Variants in SND1 observed in about 807,000 individuals in gnomAD.
SND1 encodes the protein staphylococcal nuclease and tudor domain containing 1, also known as staphylococcal nuclease domain-containing protein 1.
A neutral mutation model predicts 121.7 loss-of-function variants in SND1; 38 were observed. That is an observed-to-expected ratio of 0.31 (90% CI 0.24 to 0.41). SND1 has a LOEUF of 0.41. Among genes scored for constraint, SND1 ranks in the 10% least tolerant of loss-of-function variants. SND1 has a pLI of 1.00. For synonymous variants in SND1, 401 were observed against 447.4 expected (o/e 0.90, Z 1.31); for missense variants, 868 against 1,184.6 (o/e 0.73, Z 3.92).
chr7:127,669,956 G>A (rs1207996188), intron 1 of SND1, among the ~76,000 whole-genome samples: 1 of 151,958 alleles, frequency 6.6e-6, no homozygotes, highest in Non-Finnish European at 1.5e-5. Flanking sequence ...TTAGACTGGA[G>A]GACTTAGGCA....
chr7:128,085,819 A>G lies in SND1; in HGVS notation c.2304+39A>G. 1 of 1,540,180 alleles carries G rather than the reference A, an allele frequency of 6.5e-7. No homozygotes were observed. Among genetic ancestry groups the G allele is most frequent in the Non-Finnish European group, 9.0e-7 (1 of 1,112,988 alleles). On this transcript the variant is annotated intron_variant, in intron 20 of 23. Coordinates refer to ENST00000354725, the MANE Select transcript of SND1 (RefSeq NM_014390.4). This position sits in a 1 kb window ranked among gnomAD's most constrained non-coding sequence, Gnocchi z 4.4. ...ACCAGAGTGTTGGAGGGGCTATCAA[A>G]CACAGCAGCCCCCGAGTCAAATCCA...
At chr7:127,853,183 A>C (rs1177184128) in intron 12 of SND1, among the ~76,000 whole-genome samples, 1 of 151,938 alleles carries the variant, frequency 6.6e-6, no homozygotes, top group Non-Finnish European at 1.5e-5. Context: ...AGAGAGCTTT[A>C]ATGTATTTTC....
chr7:127,683,539 C>A (rs1030300311), intron 1 of SND1, among the ~76,000 whole-genome samples: 11 of 152,162 alleles, frequency 7.2e-5, no homozygotes, highest in Non-Finnish European at 1.3e-4. Context: ...TGAATGATTT[C>A]AGTTTCTGTG....
chr7:127,693,884 G>A (rs983274296), intron 2 of SND1, among the ~76,000 whole-genome samples: 2 of 152,150 alleles, frequency 1.3e-5, no homozygotes, highest in Admixed American at 6.5e-5. Flanking sequence ...TGTGCCAATG[G>A]CTTCAGAGGA....
chr7:127,804,969 A>AT (rs1334685202), intron 10 of SND1, among the ~76,000 whole-genome samples: 1 of 151,910 alleles, frequency 6.6e-6, no homozygotes, highest in Non-Finnish European at 1.5e-5. Flanking sequence ...ATAACCATTG[A>AT]TTTTGTCTTT....
intron 16 of SND1, among the ~76,000 whole-genome samples, chr7:128,036,203 T>TG (rs1792747242): frequency 1.3e-5 from 2 of 151,510 alleles, no homozygotes; most frequent in African/African-American, 4.8e-5. Context: ...ATGAACACAT[T>TG]TGTGTGTGTG....
rs1357589529 is a variant in SND1, at chr7:127,929,233, G to T, written c.1573G>T (p.Gly525Cys). The stretch of plus-strand genomic sequence containing the variant: ...GTTCCTGCCTTTTCTTCAGCGGGCA[G>T]GTCGTTCTGAAGCTGTGGTGGAATA... ...KQFLPFLQRA[G>C]RSEAVVEYVF... The change falls in exon 15 of 24, where the codon GGT (glycine) becomes TGT (cysteine). Residue 525 changes from glycine to cysteine, a missense_variant. Coordinates refer to ENST00000354725, the MANE Select transcript of SND1 (RefSeq NM_014390.4). The T allele has an allele frequency of 6.2e-7, 1 of 1,614,112 alleles. No homozygotes were observed. The highest frequency in any genetic ancestry group is 1.7e-5 in the Admixed American group (1 of 60,024).
chr7:128,086,093 C>T (rs1041411712), intron 20 of SND1, among the ~76,000 whole-genome samples: 2 of 152,210 alleles, frequency 1.3e-5, no homozygotes, highest in African/African-American at 4.8e-5. Context: ...CATGGAGGGC[C>T]TTTACACCCA....
chr7:127,760,840 A>G (rs1797292809), intron 10 of SND1, among the ~76,000 whole-genome samples: 2 of 152,208 alleles, frequency 1.3e-5, no homozygotes, highest in South Asian at 4.1e-4. Context: ...AGGCCCTACT[A>G]AGTGCTGGGC....
intron 16 of SND1, among the ~76,000 whole-genome samples, chr7:128,054,793 A>G (rs1793108185): frequency 6.6e-6 from 1 of 152,186 alleles, no homozygotes; most frequent in South Asian, 2.1e-4. Flanking sequence ...ATGCCCATGA[A>G]TACTTAATTT....
chr7:128,006,834 GGCAGTTAATGGTGA>G (rs2116941576), intron 16 of SND1, among the ~76,000 whole-genome samples: 1 of 152,348 alleles, frequency 6.6e-6, no homozygotes, highest in South Asian at 2.1e-4. Flanking sequence ...TACCTGAGTG[GGCAGTTAATGGTGA>G]GCAGTGGGAG....
In SND1 at chr7:127,689,436, T is replaced by C. The variant is rs560399574; in HGVS notation, c.228+2674T>C. Among the ~76,000 whole-genome samples, 4 of 152,340 alleles carry C rather than the reference T, an allele frequency of 2.6e-5. No homozygotes were observed. The East Asian group carries it at 7.7e-4, about 29-fold the overall frequency. On this transcript the variant is annotated intron_variant, in intron 2 of 23. Coordinates refer to ENST00000354725, the MANE Select transcript of SND1 (RefSeq NM_014390.4). ...AGTTCATTTGCCCAGAAGGAAGAAC[T>C]AGTGTAGCCTCTAAGAAAGAAGGGT...
At chr7:127,689,720 G>T (rs976438476) in intron 2 of SND1, among the ~76,000 whole-genome samples, 16 of 152,140 alleles carry the variant, frequency 1.1e-4, no homozygotes, top group African/African-American at 3.6e-4. Flanking sequence ...ACTCTTCAGA[G>T]ATCCCTGTGA....
chr7:127,768,904 T>C, intron 10 of SND1, among the ~76,000 whole-genome samples: 1 of 152,212 alleles, frequency 6.6e-6, no homozygotes, highest in East Asian at 1.9e-4. Context: ...TAAGTACAAT[T>C]GGGAGGGGAC....
At chr7:127,812,236 A>G (rs1234734033) in intron 11 of SND1, among the ~76,000 whole-genome samples, 1 of 152,228 alleles carries the variant, frequency 6.6e-6, no homozygotes, top group Non-Finnish European at 1.5e-5. Flanking sequence ...CCTGTATATA[A>G]TACATCCTTT....
chr7:127,923,866 C>T (rs960446932), intron 14 of SND1, among the ~76,000 whole-genome samples: 11 of 152,024 alleles, frequency 7.2e-5, no homozygotes, highest in South Asian at 2.1e-4. Context: ...GTATCCTTAA[C>T]GATTTGTTCT....
At chr7:127,693,083 T>G (rs565769233) in intron 2 of SND1, among the ~76,000 whole-genome samples, 1 of 152,352 alleles carries the variant, frequency 6.6e-6, no homozygotes, top group South Asian at 2.1e-4. Flanking sequence ...ATATTAATAC[T>G]CAGGACTACA....
At chr7:128,078,556 GGGCCATCCCCAA>G (rs546675037) in intron 17 of SND1, among the ~76,000 whole-genome samples, 48 of 152,346 alleles carry the variant, frequency 3.2e-4, no homozygotes, top group African/African-American at 9.6e-4. Flanking sequence ...TGGGGGCTGA[GGGCCATCCCCAA>G]GGCTTTGGTT....
At chr7:127,917,863 G>C (rs979192116) in intron 14 of SND1, among the ~76,000 whole-genome samples, 2 of 152,130 alleles carry the variant, frequency 1.3e-5, no homozygotes, top group Non-Finnish European at 2.9e-5. Flanking sequence ...TTCCACATCA[G>C]TTTACAGACT....
Sources: allele counts gnomAD v4.1 joint callset (sites outside exome capture counted in the v4.1 genomes callset), GRCh38; gene constraint gnomAD v4.1.1; non-coding constraint Gnocchi (gnomAD v3.1); transcripts MANE v1.5; gene names NCBI Gene and HGNC (gene_info 2026-07-23, HGNC 2026-07-21).